Variants in POLE observed in about 807,000 individuals in gnomAD.
POLE encodes DNA polymerase epsilon, catalytic subunit, also known as DNA polymerase epsilon catalytic subunit A.
A neutral mutation model predicts 279.2 loss-of-function variants in POLE; 188 were observed. The ratio of observed to expected loss-of-function variants is 0.67; its 90% CI spans 0.60 to 0.76. The LOEUF (loss-of-function observed/expected upper bound fraction) is 0.76. Ranked by LOEUF, POLE falls within the 30% of genes least tolerant of loss-of-function variation. POLE has a pLI of 0.00. For synonymous variants in POLE, 1,214 were observed against 1,172.5 expected (o/e 1.04, Z -0.72); for missense variants, 2,703 against 3,016.7 (o/e 0.90, Z 2.44).
In POLE at chr12:132,639,871, C is replaced by T. The variant is rs982552480; in HGVS notation, c.5379-573G>A. ...CTAAGGCAGGAGAATCGCTTGAACC[C>T]GGGAGGTGGAGGTTGCAGTGACCCA... On this transcript the variant is annotated intron_variant, in intron 39 of 48. Transcript: ENST00000320574. This position sits in a 1 kb window ranked among gnomAD's most constrained non-coding sequence, Gnocchi z 4.7. 7.9e-5 allele frequency among the ~76,000 whole-genome samples: 12 copies of T among 152,124 alleles called. No homozygotes were observed. Among genetic ancestry groups the T allele is most frequent in the African/African-American group, 1.7e-4 (7 of 41,410 alleles).
rs770883612 is a variant in POLE at position 132,643,399 on chromosome 12, G to A, written c.4444+8C>T. ...AGGCACATGATGGGCGGCTGGTGCA[G>A]GCCATACCTGGTTCCAGGTAGCTGA... On this transcript the variant is annotated splice_region_variant and intron_variant, in intron 34 of 48. Coordinates refer to ENST00000320574, the MANE Select transcript of POLE (RefSeq NM_006231.4). The A allele has an allele frequency of 6.2e-7, 1 of 1,614,230 alleles. No homozygotes were observed. Among genetic ancestry groups the A allele is most frequent in the Admixed American group, 1.7e-5 (1 of 60,032 alleles).
chr12:132,637,679 C>T (rs979290254), intron 41 of POLE, among the ~76,000 whole-genome samples: 2 of 152,226 alleles, frequency 1.3e-5, no homozygotes, highest in African/African-American at 2.4e-5. Flanking sequence ...TCAACACTTA[C>T]GGGGTGCATA....
chr12:132,655,578 C>G (rs536461469), intron 29 of POLE, among the ~76,000 whole-genome samples: 3 of 152,148 alleles, frequency 2.0e-5, no homozygotes, highest in African/African-American at 7.2e-5. Flanking sequence ...GGGATGTTAA[C>G]ATCTCCCAAA....
intron 25 of POLE, chr12:132,660,498 T>C (rs2042654096): frequency 6.5e-6 from 1 of 152,704 alleles, no homozygotes; most frequent in Non-Finnish European, 1.5e-5. Flanking sequence ...TTGATAACAA[T>C]GGAAATGTGA....
In POLE at chr12:132,634,099, T is replaced by C. The variant is rs2041987141; in HGVS notation, c.6004+87A>G. On this transcript the variant is annotated intron_variant, in intron 43 of 48. Transcript: ENST00000320574. The surrounding 1 kb of genome is among the most constrained non-coding windows in gnomAD (Gnocchi z 4.0). ...CCCGATCTGATTTTCCCTGTCTCCC[T>C]TCTTGCGATACCATGGCACAGGAGC... 8.0e-7 allele frequency: 1 copy of C among 1,244,102 alleles called. No individual in the cohort carries two copies. Among genetic ancestry groups the C allele is most frequent in the South Asian group, 1.4e-5 (1 of 69,720 alleles). The allele number at this position is 1,244,102 out of a possible 1,614,324, so 77.1% of individuals were successfully genotyped here.
rs78403494 is a variant in POLE, at chr12:132,647,042, T to G, written c.4149+1887A>C. 1.8e-4 allele frequency among the ~76,000 whole-genome samples: 27 copies of G among 152,210 alleles called. 2 individuals carry two copies. In the East Asian group the frequency reaches 5.2e-3, roughly 29 times the overall value. On this transcript the variant is annotated intron_variant, in intron 32 of 48. Transcript: ENST00000320574. ...TTTCTGAGAAGAAAAAAAATCTGTTTCATTATACATCATCTTACTTAGTCA... is the reference window on the plus strand; with the variant it reads ...TTTCTGAGAAGAAAAAAAATCTGTTGCATTATACATCATCTTACTTAGTCA...
At chr12:132,671,044 C>T (rs1479156089) in intron 16 of POLE, among the ~76,000 whole-genome samples, 2 of 151,684 alleles carry the variant, frequency 1.3e-5, no homozygotes, top group Non-Finnish European at 2.9e-5. Context: ...GGGCAGATCA[C>T]TTACAGTCAG....
intron 32 of POLE, among the ~76,000 whole-genome samples, chr12:132,648,022 G>A (rs547282709): frequency 3.3e-5 from 5 of 152,206 alleles, no homozygotes; most frequent in South Asian, 2.1e-4. Context: ...CCCCAACTAC[G>A]TGTCACTTCT....
rs2042853594 is a variant in POLE, at chr12:132,668,669, C to T, written c.1992G>A (p.Gln664=). 2 of 1,613,806 alleles carry T rather than the reference C, an allele frequency of 1.2e-6. No homozygotes were observed. The highest frequency in any genetic ancestry group is 1.7e-6 in the Non-Finnish European group (2 of 1,179,696). ...CDFNKPGANC[Q]RKMAWQWRGE... is the part of the protein sequence containing the mutation. ...CCCTCCACTGCCAGGCCATCTTCCG[C>T]TGGCAGTTTGCTCCAGGCTTATTGA... The change falls in exon 18 of 49, where the codon CAG becomes CAA. Residue 664 remains glutamine (Q), a synonymous_variant. Transcript: ENST00000320574. The surrounding 1 kb of genome is among the most constrained non-coding windows in gnomAD (Gnocchi z 4.0).
intron 29 of POLE, among the ~76,000 whole-genome samples, chr12:132,653,339 C>T (rs1056832569): frequency 3.3e-5 from 5 of 152,326 alleles, no homozygotes; most frequent in Admixed American, 1.3e-4. Context: ...CTTGCCACCG[C>T]ACTCTAGCCT....
In POLE at chr12:132,673,622, C is replaced by T. The variant is rs1036647345; in HGVS notation, c.1312G>A (p.Glu438Lys). 3 of 1,613,762 alleles carry T rather than the reference C, an allele frequency of 1.9e-6. No individual in the cohort carries two copies. In the African/African-American group the frequency reaches 4.0e-5, roughly 22 times the overall value. ...CGGCACATGTCCTCCGGGTCTAGCT[C>T]CACGGGATCATAGCCTAGCTTGGCC... Reference protein sequence around the residue: ...AKAKLGYDPVELDPEDMCRMA... With the variant: ...AKAKLGYDPVKLDPEDMCRMA... Residue 438 changes from glutamate (E) to lysine (K), a missense_variant, in exon 13 of 49, where the codon GAG becomes AAG. This residue lies in a region of POLE where 1,011 missense variants were observed against 1,111.7 expected (regional missense o/e 0.91). Coordinates refer to ENST00000320574, the MANE Select transcript of POLE (RefSeq NM_006231.4).
At chr12:132,627,848 A>G (rs2041866032) in intron 45 of POLE, among the ~76,000 whole-genome samples, 1 of 152,196 alleles carries the variant, frequency 6.6e-6, no homozygotes, top group Non-Finnish European at 1.5e-5. Flanking sequence ...CAAGACAACA[A>G]TGAAGTTTGC....
In POLE at chr12:132,643,462, A is replaced by T. The variant is rs2138551042; in HGVS notation, c.4389T>A (p.Phe1463Leu). The T allele has an allele frequency of 1.2e-6, 2 of 1,614,226 alleles. No individual in the cohort carries two copies. Among genetic ancestry groups the T allele is most frequent in the Non-Finnish European group, 1.7e-6 (2 of 1,180,044 alleles). ...AGCGCATCTCCAGGTGCTCAAGAGC[A>T]AAGGTCTCTGCTTCCCAGCCTGAAA... Reference protein sequence around the residue: ...RHLSGWEAETFALEHLEMRSL... With the variant: ...RHLSGWEAETLALEHLEMRSL... Residue 1463 changes from phenylalanine (F) to leucine (L), a missense_variant, in exon 34 of 49, where the codon TTT (phenylalanine) becomes TTA (leucine). Transcript: ENST00000320574.
At chr12:132,660,123 C>G (rs984636651) in intron 25 of POLE, 8 of 155,966 alleles carry the variant, frequency 5.1e-5, no homozygotes, top group African/African-American at 1.9e-4. Context: ...AAAGAAGGGG[C>G]AGGAAGAGCC....
Position 132,668,570 on chromosome 12 carries a change from GA to G in POLE, c.2026+64del. 4 of 1,584,706 alleles carry G rather than the reference GA, an allele frequency of 2.5e-6. No individual in the cohort carries two copies. The South Asian group carries it at 4.5e-5, about 18-fold the overall frequency. ...ACACACCGGCTTCCCACCAAGTGGA[GA>G]AAGGCGGCCGACACTCACCCACCCG... is the stretch of plus-strand genomic sequence containing the variant. On this transcript the variant is annotated intron_variant, in intron 18 of 48. Transcript: ENST00000320574. The surrounding 1 kb of genome is among the most constrained non-coding windows in gnomAD (Gnocchi z 4.0).
chr12:132,659,060 T>G (rs1044904830), intron 26 of POLE, among the ~76,000 whole-genome samples: 10 of 152,176 alleles, frequency 6.6e-5, no homozygotes, highest in African/African-American at 2.4e-4. Flanking sequence ...GTATAGTGTA[T>G]CTCATTCCCT....
Position 132,681,139 on chromosome 12 carries a change from G to A in POLE, c.203C>T (p.Pro68Leu), listed in dbSNP as rs1337899469. Residue 68 changes from proline to leucine, a missense_variant and splice_region_variant, in exon 2 of 49, where the codon CCT becomes CTT. This residue lies in a region of POLE where 1,011 missense variants were observed against 1,111.7 expected (regional missense o/e 0.91). Transcript: ENST00000320574. ...EKTGWLINMH[P>L]TEILDEDKRL... ...GTGGGAGAAGGACCTAGTGCTTACA[G>A]GATGCATGTTAATGAGCCAGCCTGT... is the stretch of plus-strand genomic sequence containing the variant. 1 of 1,613,906 alleles carries A rather than the reference G, an allele frequency of 6.2e-7. No individual in the cohort carries two copies. Among genetic ancestry groups the A allele is most frequent in the Non-Finnish European group, 8.5e-7 (1 of 1,180,014 alleles).
At position 132,675,312 on chromosome 12, in the gene POLE, G is replaced by T; in HGVS notation, c.1226+86C>A. ...CTCGGAGGCCACCCTCCTCCCATGAGATGTGGTGACAGCACAGTCTGCAAG... is the reference window on the plus strand; with the variant it reads ...CTCGGAGGCCACCCTCCTCCCATGATATGTGGTGACAGCACAGTCTGCAAG... On this transcript the variant is annotated intron_variant, in intron 12 of 48. Coordinates refer to ENST00000320574, the MANE Select transcript of POLE (RefSeq NM_006231.4). This position sits in a 1 kb window ranked among gnomAD's most constrained non-coding sequence, Gnocchi z 4.3. 1 of 1,521,824 alleles carries T rather than the reference G, an allele frequency of 6.6e-7. No individual in the cohort carries two copies. Among genetic ancestry groups the T allele is most frequent in the Non-Finnish European group, 8.9e-7 (1 of 1,125,338 alleles). The allele number at this position is 1,521,824 out of a possible 1,614,324, so 94.3% of individuals were successfully genotyped here. A position where few individuals can be genotyped will look rare whatever the true frequency, so the allele number is the denominator to read the frequency against.
Position 132,681,281 on chromosome 12 carries a change from T to C in POLE, c.63-2A>G, listed in dbSNP as rs2043162649. 6.2e-7 allele frequency: 1 copy of C among 1,613,750 alleles called. No individual in the cohort carries two copies. The highest frequency in any genetic ancestry group is 1.7e-5 in the Admixed American group (1 of 59,964). On this transcript the variant is annotated splice_acceptor_variant, in intron 1 of 48. Coordinates refer to ENST00000320574, the MANE Select transcript of POLE (RefSeq NM_006231.4). LOFTEE classifies it high-confidence loss of function. Reference sequence around the variant, plus strand: ...ACTGAGGAAGTGGCGCCATCATCCCTGAGTGAAAGAAGGGAACCCCGTGCT... The same window carrying C: ...ACTGAGGAAGTGGCGCCATCATCCCCGAGTGAAAGAAGGGAACCCCGTGCT...
Sources: allele counts gnomAD v4.1 joint callset (sites outside exome capture counted in the v4.1 genomes callset), GRCh38; gene constraint gnomAD v4.1.1; regional missense constraint gnomAD v4.1.1; non-coding constraint Gnocchi (gnomAD v3.1); transcripts MANE v1.5; gene names NCBI Gene and HGNC (gene_info 2026-07-23, HGNC 2026-07-21).